CLDN19: variants seen among roughly 807,000 people sequenced by gnomAD.
The protein encoded by CLDN19 is claudin 19.
CLDN19 carries 19 observed loss-of-function variants against 24.5 expected under a neutral mutation model. The ratio of observed to expected loss-of-function variants is 0.78; its 90% confidence interval spans 0.54 to 1.14. The LOEUF is 1.14. CLDN19 is among the 50% of genes most tolerant of loss of function. The pLI, the probability that CLDN19 is intolerant of heterozygous loss-of-function variation, is 0.00. For missense variants in CLDN19, 250 were observed against 295.9 expected (o/e 0.84, Z 1.14); for synonymous variants, 117 against 129.6 (o/e 0.90, Z 0.66).
In CLDN19 at chr1:42,738,330, G is replaced by A. The variant is rs1448542868; in HGVS notation, c.389-17C>T. On this transcript the variant is annotated splice_polypyrimidine_tract_variant and intron_variant, in intron 2 of 4. Transcript: ENST00000296387. ...TGCAGAGGCCTAAAGACAAAGCAGA[G>A]GGGCGCTCAGCTCTGCTCTGGCCCC... 1.2e-6 allele frequency: 2 copies of A among 1,613,634 alleles called. No homozygotes were observed. Among genetic ancestry groups the A allele is most frequent in the Admixed American group, 1.7e-5 (1 of 60,014 alleles).
At chr1:42,735,347 A>G in intron 4 of CLDN19, 1 of 1,449,360 alleles carries the variant, frequency 6.9e-7, no homozygotes, top group Non-Finnish European at 9.1e-7. Flanking sequence ...GCGCACTGGA[A>G]GAACCTGAGA....
intron 4 of CLDN19, 32 bp downstream of exon 4, chr1:42,735,846 G>C (rs1300141317): frequency 1.3e-6 from 2 of 1,563,018 alleles, no homozygotes; most frequent in Non-Finnish European, 8.7e-7. Flanking sequence ...CTGGGTGGGG[G>C]GCTGGCCAGG....
intron 1 of CLDN19, 46 bp from the exon 2 acceptor site, chr1:42,738,631 G>A (rs779453641): frequency 3.8e-6 from 6 of 1,591,140 alleles, no homozygotes; most frequent in East Asian, 2.3e-5. Context: ...GGGGATGGGG[G>A]TTGGGTCGGT....
chr1:42,738,264 C>T lies in CLDN19; in HGVS notation c.438G>A (p.Gln146=), dbSNP rs1651434118. The T allele has an allele frequency of 1.2e-6, 2 of 1,613,904 alleles. No homozygotes were observed. Among genetic ancestry groups the T allele is most frequent in the South Asian group, 1.1e-5 (1 of 91,084 alleles). Reference sequence around the variant, plus strand: ...CAGGTGTGCTTGGGTTGAAGAACTCCTGGGTCACCAGGGTGGCATACCACG... The same window carrying T: ...CAGGTGTGCTTGGGTTGAAGAACTCTTGGGTCACCAGGGTGGCATACCACG... ...AVSWYATLVT[Q]EFFNPSTPVN... is the part of the protein sequence containing the mutation. The change falls in exon 3 of 5, where the codon CAG becomes CAA. Residue 146 remains glutamine (Q), a synonymous_variant. Transcript: ENST00000296387.
At position 42,735,151 on chromosome 1, in the gene CLDN19, A is replaced by T. The variant is rs778667951; in HGVS notation, c.627-17T>A. The T allele has an allele frequency of 6.2e-7, 1 of 1,613,934 alleles. No individual in the cohort carries two copies. The highest frequency in any genetic ancestry group is 1.7e-5 in the Admixed American group (1 of 59,998). ...ACAACTGGTCTGAAAGTCAAAAGAG[A>T]GAGAGCTGGTTAGTGGAGTGAGCTG... is the stretch of plus-strand genomic sequence containing the variant. On this transcript the variant is annotated splice_polypyrimidine_tract_variant and intron_variant, in intron 4 of 4. Coordinates refer to ENST00000296387, the MANE Select transcript of CLDN19 (RefSeq NM_148960.3).
In CLDN19 at chr1:42,735,623, C is replaced by T; in HGVS notation, c.626+255G>A. 7.0e-6 allele frequency: 10 copies of T among 1,428,248 alleles called. No individual in the cohort carries two copies. The South Asian group carries it at 7.7e-5, about 11-fold the overall frequency. The allele number at this position is 1,428,248 out of a possible 1,614,324, so 88.5% of individuals were successfully genotyped here. The stretch of plus-strand genomic sequence containing the variant: ...GGGATGCATGCTGGTGCCCACCAGG[C>T]TGTGCAGACAAGACCGTGCCTGGAC... On this transcript the variant is annotated intron_variant, in intron 4 of 4. Transcript: ENST00000296387.
At chr1:42,735,830 G>A in intron 4 of CLDN19, 48 bp downstream of exon 4, 1 of 1,556,232 alleles carries the variant, frequency 6.4e-7, no homozygotes, top group Non-Finnish European at 8.7e-7. Flanking sequence ...CTGGGCAAGG[G>A]GGCCACTGGG....
chr1:42,735,751 G>T, intron 4 of CLDN19, 127 bp downstream of exon 4: 1 of 1,504,588 alleles, frequency 6.6e-7, no homozygotes, highest in Non-Finnish European at 8.9e-7. Context: ...AGGACAAGCT[G>T]CTCAGAGCAC....
intron 3 of CLDN19, among the ~76,000 whole-genome samples, chr1:42,736,976 A>G (rs917644277): frequency 1.4e-4 from 22 of 152,012 alleles, no homozygotes; most frequent in African/African-American, 5.1e-4. Flanking sequence ...GCCTCTCAAC[A>G]CCTCTGCCTC....
At position 42,738,688 on chromosome 1, in the gene CLDN19, G is replaced by A. The variant is rs1463455484; in HGVS notation, c.224-103C>T. The A allele has an allele frequency of 5.1e-6, 6 of 1,167,054 alleles. No individual in the cohort carries two copies. In the African/African-American group the frequency reaches 6.1e-5, roughly 12 times the overall value. The allele number at this position is 1,167,054 out of a possible 1,614,324, so 72.3% of individuals were successfully genotyped here. On this transcript the variant is annotated intron_variant, in intron 1 of 4. Transcript: ENST00000296387. ...CCCAGCTTGAGAGGGGCTTGAGCAG[G>A]AGCTGGCCTGGGGGGTCAGACCACC... is the stretch of plus-strand genomic sequence containing the variant.
rs558522976 is a variant in CLDN19, at chr1:42,738,726, C to T, written c.224-141G>A. The T allele has an allele frequency of 1.3e-3, 982 of 742,882 alleles. 2 individuals are homozygous for T. Among genetic ancestry groups the T allele is most frequent in the Non-Finnish European group, 2.1e-3 (919 of 442,048 alleles). The allele number at this position is 742,882 out of a possible 1,614,324, so 46.0% of individuals were successfully genotyped here. On this transcript the variant is annotated intron_variant, in intron 1 of 4. Coordinates refer to ENST00000296387, the MANE Select transcript of CLDN19 (RefSeq NM_148960.3). ...GGGTCAGACCACCTTCTGGCAGGTG[C>T]AGGATAGTGAGGAGTGACAGCCCGG...
Position 42,734,243 on chromosome 1 carries a change from G to C in CLDN19, c.*843C>G, listed in dbSNP as rs914148776. On this transcript the variant is annotated 3_prime_UTR_variant, in exon 5 of 5. Coordinates refer to ENST00000296387, the MANE Select transcript of CLDN19 (RefSeq NM_148960.3). ...GGCCCTTCCCCCTGTATGCTAAGGG[G>C]GGATGGTACCTGGACTTCAAGACCA... 1 of 152,334 alleles carries C rather than the reference G, an allele frequency of 6.6e-6. No homozygotes were observed. The highest frequency in any genetic ancestry group is 6.5e-5 in the Admixed American group (1 of 15,274). 9.4% of individuals were successfully genotyped at this position (152,334 alleles called of 1,614,324 possible).
At chr1:42,735,447 G>A in intron 4 of CLDN19, 1 of 1,414,598 alleles carries the variant, frequency 7.1e-7, no homozygotes, top group Non-Finnish European at 9.2e-7. Context: ...CATGGGACTG[G>A]GGAGGGTGAA....
intron 3 of CLDN19, among the ~76,000 whole-genome samples, chr1:42,737,841 C>G (rs1262034846): frequency 1.3e-5 from 2 of 152,176 alleles, no homozygotes; most frequent in Non-Finnish European, 2.9e-5. Flanking sequence ...CGCCACCATG[C>G]CCAGATATTT....
At position 42,736,473 on chromosome 1, in the gene CLDN19, C is replaced by T. The variant is rs114755789; in HGVS notation, c.474-443G>A. On this transcript the variant is annotated intron_variant, in intron 3 of 4. Coordinates refer to ENST00000296387, the MANE Select transcript of CLDN19 (RefSeq NM_148960.3). ...GAAGGCCAGACCCTTCCACCTGGCA[C>T]TCTGGGCTCTCCACACCCAGACCCT... Among the ~76,000 whole-genome samples the T allele has an allele frequency of 5.6e-3, 847 of 152,212 alleles. 3 individuals are homozygous for T. Among genetic ancestry groups the T allele is most frequent in the Admixed American group, 0.016 (244 of 15,304 alleles).
At chr1:42,738,372 T>C in intron 2 of CLDN19, 49 bp downstream of exon 2, 2 of 1,613,568 alleles carry the variant, frequency 1.2e-6, no homozygotes, top group South Asian at 2.2e-5. Flanking sequence ...CCACTGGGGC[T>C]GGGGCTGCCT....
rs958934446 is a variant in CLDN19 at position 42,740,085 on chromosome 1, G to A, written c.-22C>T. ...CCATGGCCCAGGAGAGAGGACCGAG[G>A]GTCCCAGGACTCAGAGCTGGGCCAG... On this transcript the variant is annotated 5_prime_UTR_variant, in exon 1 of 5. Transcript: ENST00000296387. 5 of 1,540,212 alleles carry A rather than the reference G, an allele frequency of 3.2e-6. No homozygotes were observed. Among genetic ancestry groups the A allele is most frequent in the Non-Finnish European group, 4.4e-6 (5 of 1,139,316 alleles).
chr1:42,736,037 G>C lies in CLDN19; in HGVS notation c.474-7C>G, dbSNP rs765040163. Reference sequence around the variant, plus strand: ...GGCTGGGCCAAATTCATACCTGCAAGGGGTAGGGAGAGTGGCATCAGGTGT... The same window carrying C: ...GGCTGGGCCAAATTCATACCTGCAACGGGTAGGGAGAGTGGCATCAGGTGT... On this transcript the variant is annotated splice_polypyrimidine_tract_variant and splice_region_variant and intron_variant, in intron 3 of 4. Transcript: ENST00000296387. 1.3e-6 allele frequency: 2 copies of C among 1,559,488 alleles called. No homozygotes were observed. Among genetic ancestry groups the C allele is most frequent in the African/African-American group, 2.7e-5 (2 of 73,968 alleles).
At position 42,734,190 on chromosome 1, in the gene CLDN19, C is replaced by G. The variant is rs1332005923; in HGVS notation, c.*896G>C. On this transcript the variant is annotated 3_prime_UTR_variant, in exon 5 of 5. Transcript: ENST00000296387. ...AAAGGACTCTGGCCTTGGGACTGAT[C>G]TGGGCTGGTTTCCTTACATTCCTCT... 6.6e-6 allele frequency: 1 copy of G among 152,386 alleles called. No individual in the cohort carries two copies. Among genetic ancestry groups the G allele is most frequent in the Non-Finnish European group, 1.5e-5 (1 of 68,230 alleles). The allele number at this position is 152,386 out of a possible 1,614,324, so 9.4% of individuals were successfully genotyped here. A position where few individuals can be genotyped will look rare whatever the true frequency, so the allele number is the denominator to read the frequency against.
Sources: gnomAD v4.1 joint callset for allele counts (sites outside exome capture counted in the v4.1 genomes callset) on GRCh38, gnomAD v4.1.1 for gene constraint, MANE v1.5 for transcripts, NCBI Gene and HGNC (gene_info 2026-07-23, HGNC 2026-07-21) for gene names.